DAPK1: variants seen among roughly 807,000 people sequenced by gnomAD.
DAPK1 encodes the protein death-associated protein kinase 1.
A neutral mutation model predicts 144.9 loss-of-function variants in DAPK1; 56 were observed. The observed-to-expected ratio is 0.39, with a 90% CI of 0.31 to 0.48. The LOEUF is 0.48. Ranked by LOEUF, DAPK1 falls within the 20% of genes least tolerant of loss-of-function variation. DAPK1 has a pLI of 0.95. For synonymous variants in DAPK1, 690 were observed against 749.0 expected (o/e 0.92, Z 1.29); for missense variants, 1,454 against 1,875.4 (o/e 0.78, Z 4.15).
chr9:87,632,581 G>GTATATAT lies in DAPK1; in HGVS notation c.285-5362_285-5361insTATATAT, dbSNP rs1829737248. 6 of 970,822 alleles carry GTATATAT rather than the reference G, an allele frequency of 6.2e-6. No individual in the cohort carries two copies. In the African/African-American group the frequency reaches 9.0e-5, roughly 15 times the overall value. The allele number at this position is 970,822 out of a possible 1,614,324, so 60.1% of individuals were successfully genotyped here. A position where few individuals can be genotyped will look rare whatever the true frequency, so the allele number is the denominator to read the frequency against. ...GAAGGAGGATGAGTATACATGTAGG[G>GTATATAT]ATGAAGGAGGATGAGTATGTATATA... is the stretch of plus-strand genomic sequence containing the variant. On this transcript the variant is annotated intron_variant, in intron 3 of 25. Coordinates refer to ENST00000408954, the MANE Select transcript of DAPK1 (RefSeq NM_004938.4).
chr9:87,638,382 G>A (rs1214911354), intron 4 of DAPK1, among the ~76,000 whole-genome samples: 1 of 94,124 alleles, frequency 1.1e-5, no homozygotes, highest in Non-Finnish European at 2.2e-5. Context: ...CCAGCAGCTA[G>A]TGACTGGCAC....
At position 87,497,942 on chromosome 9, in the gene DAPK1, A is replaced by C. The variant is rs1360672953; in HGVS notation, c.-274A>C. The stretch of plus-strand genomic sequence containing the variant: ...GTTCCCTCCGCGGAGGGGACTCGGC[A>C]ACTCGCAGCGGCAGGGTCTGGGGCC... On this transcript the variant is annotated 5_prime_UTR_variant, in exon 1 of 26. Coordinates refer to ENST00000408954, the MANE Select transcript of DAPK1 (RefSeq NM_004938.4). The C allele has an allele frequency of 7.6e-6, 3 of 396,390 alleles. No homozygotes were observed. The highest frequency in any genetic ancestry group is 1.3e-5 in the Non-Finnish European group (3 of 225,220). 24.6% of individuals were successfully genotyped at this position (396,390 alleles called of 1,614,324 possible). A position where few individuals can be genotyped will look rare whatever the true frequency, so the allele number is the denominator to read the frequency against.
At chr9:87,643,498 T>C (rs57051891) in intron 11 of DAPK1, 30 bp downstream of exon 11, 1 of 384,326 alleles carries the variant, frequency 2.6e-6, no homozygotes, top group Non-Finnish European at 3.8e-6. Context: ...CTGGTGCTCC[T>C]TTCTTAGCAC....
chr9:87,517,222 C>T (rs1825096121), intron 2 of DAPK1, among the ~76,000 whole-genome samples: 1 of 151,510 alleles, frequency 6.6e-6, no homozygotes, highest in South Asian at 2.1e-4. Flanking sequence ...GCACCGATAG[C>T]AGGCTTGCTA....
chr9:87,534,997 G>C (rs1825814829), intron 2 of DAPK1, among the ~76,000 whole-genome samples: 1 of 152,076 alleles, frequency 6.6e-6, no homozygotes, highest in Non-Finnish European at 1.5e-5. Flanking sequence ...TTTATCAATA[G>C]GAAGAGCACT....
chr9:87,550,430 C>T (rs192053366), intron 2 of DAPK1, among the ~76,000 whole-genome samples: 1 of 152,362 alleles, frequency 6.6e-6, no homozygotes, highest in Admixed American at 6.5e-5. Context: ...ATCAAGGTGT[C>T]ATTTAGAATG....
At chr9:87,552,198 G>A (rs1473395713) in intron 2 of DAPK1, among the ~76,000 whole-genome samples, 2 of 152,134 alleles carry the variant, frequency 1.3e-5, no homozygotes, top group East Asian at 3.9e-4. Flanking sequence ...AGCAAGTAGG[G>A]AGGGGATACT....
chr9:87,632,602 A>T, intron 3 of DAPK1: 2 of 980,078 alleles, frequency 2.0e-6, no homozygotes, highest in South Asian at 4.7e-5. Context: ...ATGAGTATGT[A>T]TATAGGAATG....
chr9:87,601,139 G>A (rs571401516), intron 2 of DAPK1, among the ~76,000 whole-genome samples: 55 of 152,314 alleles, frequency 3.6e-4, no homozygotes, highest in African/African-American at 1.2e-3. Flanking sequence ...GGAAGGGATC[G>A]GAGCAGCAAT....
chr9:87,652,142 C>G (rs1023326147), intron 17 of DAPK1, among the ~76,000 whole-genome samples: 2 of 145,992 alleles, frequency 1.4e-5, no homozygotes, highest in Non-Finnish European at 3.0e-5. Context: ...TTCCCCCGAT[C>G]CTGGGTCCTG....
chr9:87,515,064 C>T (rs1471988335), intron 2 of DAPK1, among the ~76,000 whole-genome samples: 1 of 152,220 alleles, frequency 6.6e-6, no homozygotes, highest in Admixed American at 6.5e-5. Flanking sequence ...ATGTATTTTA[C>T]TTAGCTATGG....
At chr9:87,512,942 T>C (rs1354676177) in intron 2 of DAPK1, among the ~76,000 whole-genome samples, 1 of 152,210 alleles carries the variant, frequency 6.6e-6, no homozygotes, top group African/African-American at 2.4e-5. Flanking sequence ...CCACCATGCC[T>C]GGCCGAGAGG....
chr9:87,560,184 C>T (rs1210583095), intron 2 of DAPK1, among the ~76,000 whole-genome samples: 3 of 151,186 alleles, frequency 2.0e-5, no homozygotes, highest in South Asian at 2.1e-4. Context: ...TTAGTAGAGA[C>T]GGGGTTTCGC....
chr9:87,539,075 A>G (rs1272473546), intron 2 of DAPK1, among the ~76,000 whole-genome samples: 1 of 151,182 alleles, frequency 6.6e-6, no homozygotes, highest in African/African-American at 2.4e-5. Flanking sequence ...AAGAGTTTTC[A>G]TAAAAGCCTA....
At chr9:87,565,151 C>A (rs758388538) in intron 2 of DAPK1, among the ~76,000 whole-genome samples, 1 of 152,148 alleles carries the variant, frequency 6.6e-6, no homozygotes, top group Non-Finnish European at 1.5e-5. Flanking sequence ...GAAAGCACCA[C>A]CACAGCTCCT....
At position 87,646,025 on chromosome 9, in the gene DAPK1, G is replaced by T; in HGVS notation, c.1131+11G>T. Reference sequence around the variant, plus strand: ...AACCAACCCAACAAGGTCTGGTTCTGTTCTGCCGCATACTGGAGGGGTGGG... The same window carrying T: ...AACCAACCCAACAAGGTCTGGTTCTTTTCTGCCGCATACTGGAGGGGTGGG... On this transcript the variant is annotated intron_variant, in intron 12 of 25. Coordinates refer to ENST00000408954, the MANE Select transcript of DAPK1 (RefSeq NM_004938.4). 6.2e-7 allele frequency: 1 copy of T among 1,612,558 alleles called. No individual in the cohort carries two copies. The highest frequency in any genetic ancestry group is 2.2e-5 in the East Asian group (1 of 44,858).
chr9:87,626,614 G>A (rs1211749019), intron 3 of DAPK1, among the ~76,000 whole-genome samples: 1 of 152,148 alleles, frequency 6.6e-6, no homozygotes, highest in Non-Finnish European at 1.5e-5. Context: ...TCACATCCTC[G>A]GAGTAGTCAG....
chr9:87,587,117 G>T (rs1425076165), intron 2 of DAPK1, among the ~76,000 whole-genome samples: 1 of 152,216 alleles, frequency 6.6e-6, no homozygotes, highest in Non-Finnish European at 1.5e-5. Flanking sequence ...CGCTGTACAG[G>T]TTGCCTAGTT....
rs143535735 is a variant in DAPK1, at chr9:87,544,782, C to T, written c.62+45643C>T. Among the ~76,000 whole-genome samples the T allele has an allele frequency of 2.6e-4, 39 of 152,178 alleles. No homozygotes were observed. The East Asian group carries it at 6.6e-3, about 26-fold the overall frequency. On this transcript the variant is annotated intron_variant, in intron 2 of 25. Transcript: ENST00000408954. ...ATCATTTTAAAAGGCATGTTTAAGA[C>T]GGACATAAAGCTAATTTTCCTACGA...
Sources: gnomAD v4.1 joint callset for allele counts (sites outside exome capture counted in the v4.1 genomes callset) on GRCh38, gnomAD v4.1.1 for gene constraint, MANE v1.5 for transcripts, NCBI Gene and HGNC (gene_info 2026-07-23, HGNC 2026-07-21) for gene names.